TENM3: variants seen among roughly 807,000 people sequenced by gnomAD.
TENM3 encodes teneurin transmembrane protein 3.
Under a neutral mutation model 255.1 loss-of-function variants are expected in TENM3, and 63 were observed. That is an observed-to-expected ratio of 0.25 (90% CI 0.20 to 0.30). The LOEUF is 0.30. TENM3 is among the 10% of genes least tolerant of loss of function. The pLI, the probability that TENM3 is intolerant of heterozygous loss-of-function variation, is 1.00. For synonymous variants in TENM3, 1,306 were observed against 1,322.3 expected, an observed-to-expected ratio of 0.99 and a Z score of 0.27; for missense variants, 2,929 against 3,461.1, an observed-to-expected ratio of 0.85 and a Z score of 3.86.
intron 3 of TENM3, among the ~76,000 whole-genome samples, chr4:182,563,743 A>G (rs1743471751): frequency 6.6e-6 from 1 of 152,232 alleles, no homozygotes; most frequent in Non-Finnish European, 1.5e-5. Context: ...AGGCAAACAT[A>G]TAATGAGTGC....
chr4:181,938,716 C>T, the TENM3 span, among the ~76,000 whole-genome samples: 1 of 152,288 alleles, frequency 6.6e-6, no homozygotes, highest in East Asian at 1.9e-4. Flanking sequence ...TTGAGAGTTT[C>T]TTGTGCCCTG....
the TENM3 span, among the ~76,000 whole-genome samples, chr4:181,465,490 G>T: frequency 6.6e-6 from 1 of 152,108 alleles, no homozygotes; most frequent in Non-Finnish European, 1.5e-5. Flanking sequence ...TTGAAAGATA[G>T]TCAGAAAAGG....
In TENM3 at chr4:182,755,053, C is replaced by A. The variant is rs763283270; in HGVS notation, c.4686C>A (p.Asn1562Lys). 1.2e-6 allele frequency: 2 copies of A among 1,614,036 alleles called. No individual in the cohort carries two copies. The highest frequency in any genetic ancestry group is 2.7e-5 in the African/African-American group (2 of 75,060). The part of the protein sequence containing the change: ...DITAVTDSNG[N>K]TLRIRRDPNR... ...CTGCTGTGACAGACAGCAATGGCAA[C>A]ACCCTTAGAATTAGACGGGACCCAA... The change falls in exon 22 of 28, where the codon AAC (asparagine) becomes AAA (lysine). Residue 1562 changes from asparagine to lysine, a missense_variant. By Grantham distance (94) the Asn-to-Lys change is moderately conservative. Transcript: ENST00000511685.
chr4:182,485,756 T>C (rs950179685), intron 3 of TENM3, among the ~76,000 whole-genome samples: 8 of 152,158 alleles, frequency 5.3e-5, no homozygotes, highest in African/African-American at 1.7e-4. Context: ...AGGTGTACCA[T>C]GTGAGCTGTT....
chr4:182,405,312 T>C (rs1247804125), intron 3 of TENM3, among the ~76,000 whole-genome samples: 1 of 152,198 alleles, frequency 6.6e-6, no homozygotes, highest in African/African-American at 2.4e-5. Context: ...GTAATTTTGG[T>C]GAGAGAAAGA....
intron 3 of TENM3, among the ~76,000 whole-genome samples, chr4:182,451,993 A>C (rs727695): frequency 6.6e-6 from 1 of 152,088 alleles, no homozygotes. Context: ...GAGTTATTTT[A>C]TAGTAACTTT....
chr4:181,864,503 A>G, the TENM3 span, among the ~76,000 whole-genome samples: 2 of 152,312 alleles, frequency 1.3e-5, no homozygotes, highest in African/African-American at 2.4e-5. Flanking sequence ...GCAACGGTCT[A>G]TCATCTGAAT....
At chr4:181,615,773 G>A in the TENM3 span, among the ~76,000 whole-genome samples, 1 of 152,178 alleles carries the variant, frequency 6.6e-6, no homozygotes, top group Admixed American at 6.5e-5. Flanking sequence ...CGTCGTGATT[G>A]TGCCAATAAG....
intron 1 of TENM3, among the ~76,000 whole-genome samples, chr4:182,199,603 AT>A (rs1412243615): frequency 6.6e-6 from 1 of 152,108 alleles, no homozygotes; most frequent in Non-Finnish European, 1.5e-5. Flanking sequence ...TTAGAAAAAA[AT>A]AATAGCTCAG....
chr4:181,888,966 G>A, the TENM3 span, among the ~76,000 whole-genome samples: 3 of 151,854 alleles, frequency 2.0e-5, no homozygotes, highest in Non-Finnish European at 4.4e-5. Context: ...GTCAGTTCAC[G>A]ATTCAAATGT....
chr4:181,515,739 AC>A, the TENM3 span, among the ~76,000 whole-genome samples: 1 of 152,072 alleles, frequency 6.6e-6, no homozygotes, highest in Non-Finnish European at 1.5e-5. Flanking sequence ...CATCTCCATT[AC>A]CTCCTCACTG....
chr4:182,156,492 C>T (rs1750714354), intron 1 of TENM3, among the ~76,000 whole-genome samples: 1 of 152,018 alleles, frequency 6.6e-6, no homozygotes, highest in African/African-American at 2.4e-5. Flanking sequence ...GCTAATTTTG[C>T]AACCCTCCCC....
rs1012640333 is a variant in TENM3 at position 182,789,522 on chromosome 4, G to A, written c.5601+133G>A. 4.6e-6 allele frequency: 4 copies of A among 874,726 alleles called. No homozygotes were observed. The highest frequency in any genetic ancestry group is 1.7e-5 in the African/African-American group (1 of 58,746). The allele number at this position is 874,726 out of a possible 1,614,324, so 54.2% of individuals were successfully genotyped here. On this transcript the variant is annotated intron_variant, in intron 25 of 27. Coordinates refer to ENST00000511685, the MANE Select transcript of TENM3 (RefSeq NM_001080477.4). The surrounding 1 kb of genome is among the most constrained non-coding windows in gnomAD (Gnocchi z 4.4). ...ATTTGTTATTCGAAGTATCAATACG[G>A]AAGTCACATTGGCACAGCAGTGATG...
At chr4:181,792,645 A>G in the TENM3 span, among the ~76,000 whole-genome samples, 3 of 152,202 alleles carry the variant, frequency 2.0e-5, no homozygotes, top group African/African-American at 7.2e-5. Context: ...GCCTCTTCCA[A>G]CAGGTTTTGT....
chr4:181,725,423 T>TC, the TENM3 span, among the ~76,000 whole-genome samples: 2 of 149,020 alleles, frequency 1.3e-5, no homozygotes, highest in Admixed American at 6.7e-5. Context: ...TTTCTTTCTT[T>TC]TTTTTTTTTT....
At chr4:182,194,893 T>A (rs1753744109) in intron 1 of TENM3, among the ~76,000 whole-genome samples, 1 of 152,144 alleles carries the variant, frequency 6.6e-6, no homozygotes, top group Admixed American at 6.6e-5. Flanking sequence ...GCTATGCATG[T>A]TTTTTTCCAA....
At chr4:181,805,066 C>A in the TENM3 span, among the ~76,000 whole-genome samples, 2 of 152,162 alleles carry the variant, frequency 1.3e-5, no homozygotes, top group Admixed American at 6.5e-5. Flanking sequence ...TAAAGCTGCA[C>A]CTGCAGCAGC....
At chr4:181,977,209 T>C in the TENM3 span, among the ~76,000 whole-genome samples, 1 of 151,896 alleles carries the variant, frequency 6.6e-6, no homozygotes, top group Non-Finnish European at 1.5e-5. Flanking sequence ...CCTACCCCCA[T>C]AGGATCGTTA....
At chr4:182,212,969 C>T (rs1755154079) in intron 1 of TENM3, among the ~76,000 whole-genome samples, 1 of 152,208 alleles carries the variant, frequency 6.6e-6, no homozygotes, top group Non-Finnish European at 1.5e-5. Context: ...CATCTATGCC[C>T]TGACCATTCC....
Sources: gnomAD v4.1 joint callset for allele counts (sites outside exome capture counted in the v4.1 genomes callset) on GRCh38, gnomAD v4.1.1 for gene constraint, Gnocchi (gnomAD v3.1) non-coding constraint, MANE v1.5 for transcripts, NCBI Gene and HGNC (gene_info 2026-07-23, HGNC 2026-07-21) for gene names.